The following ZNF793 variants were observed in gnomAD, a reference collection of about 807,000 sequenced individuals.
ZNF793 encodes the protein zinc finger protein 793.
A neutral mutation model predicts 12.4 loss-of-function variants in ZNF793; 5 were observed. That is an observed-to-expected ratio of 0.40 (90% CI 0.21 to 0.84). ZNF793 has a LOEUF of 0.84. ZNF793 is among the 40% of genes least tolerant of loss of function. The pLI is 0.35. For synonymous variants in ZNF793, 162 were observed against 172.4 expected (o/e 0.94, Z 0.47); for missense variants, 456 against 495.0 (o/e 0.92, Z 0.75).
chr19:37,535,418 T>C (rs1042883584), intron 7 of ZNF793: 3 of 152,224 alleles, frequency 2.0e-5, no homozygotes, highest in African/African-American at 7.2e-5. Context: ...TTTTGAAGGC[T>C]ATAGACCTCA....
chr19:37,532,302 C>T, intron 5 of ZNF793, 54 bp from the exon 6 acceptor site: 1 of 1,571,184 alleles, frequency 6.4e-7, no homozygotes, highest in Non-Finnish European at 8.6e-7. Context: ...CCATGCCTGG[C>T]CCTGCACAAA....
At chr19:37,526,032 A>T (rs1402381611) in intron 5 of ZNF793, among the ~76,000 whole-genome samples, 2 of 152,158 alleles carry the variant, frequency 1.3e-5, no homozygotes, top group East Asian at 3.9e-4. Flanking sequence ...TTCCCATCAC[A>T]GGAGATGGTG....
intron 3 of ZNF793, among the ~76,000 whole-genome samples, chr19:37,521,343 G>C (rs927437436): frequency 6.7e-6 from 1 of 149,342 alleles, no homozygotes; most frequent in South Asian, 2.1e-4. Flanking sequence ...GGCTGGTCTC[G>C]AACTTACGAC....
At chr19:37,515,172 T>C (rs1487183779) in intron 2 of ZNF793, among the ~76,000 whole-genome samples, 1 of 152,198 alleles carries the variant, frequency 6.6e-6, no homozygotes, top group Non-Finnish European at 1.5e-5. Context: ...AAGAAAAAAC[T>C]GTATTTGTAG....
Position 37,523,657 on chromosome 19 carries a change from T to C in ZNF793, c.15+203T>C, listed in dbSNP as rs2042391650. 1.3e-5 allele frequency among the ~76,000 whole-genome samples: 2 copies of C among 152,040 alleles called. 1 individual carries two copies. Among genetic ancestry groups the C allele is most frequent in the South Asian group, 4.1e-4 (2 of 4,832 alleles). On this transcript the variant is annotated intron_variant, in intron 5 of 7. Coordinates refer to ENST00000627814, the MANE Select transcript of ZNF793 (RefSeq NM_001013659.3). ...CTGTAAGACAGTGAGGGAAGCTGGA[T>C]TGGGCTGAGGGAATTGTTGAACAGA...
At position 37,537,731 on chromosome 19, in the gene ZNF793, G is replaced by A; in HGVS notation, c.1073G>A (p.Trp358Ter). ...CAGAAGTCATGCCTCAATAAACATT[G>A]GAGAACTCACACAGGAGAGAAGCCC... ...FSQKSCLNKH[W>*]RTHTGEKPYG... The change falls in exon 8 of 8, where the codon TGG becomes TAG. Residue 358 changes from tryptophan (W) to a stop codon, truncating the protein, a stop_gained. Transcript: ENST00000627814. LOFTEE classifies it low-confidence loss of function (END_TRUNC). The A allele has an allele frequency of 1.2e-6, 2 of 1,613,880 alleles. No homozygotes were observed. Among genetic ancestry groups the A allele is most frequent in the Non-Finnish European group, 1.7e-6 (2 of 1,179,954 alleles).
In ZNF793 at chr19:37,517,984, G is replaced by A. The variant is rs531532040; in HGVS notation, c.-275-2200G>A. Among the ~76,000 whole-genome samples the A allele has an allele frequency of 5.9e-5, 9 of 152,264 alleles. No homozygotes were observed. The South Asian group carries it at 1.7e-3, about 28-fold the overall frequency. ...AGTCCCTTCACTCAGAGAAAGCAAT[G>A]TTAATATTTTCATAGATTCGGACTT... On this transcript the variant is annotated intron_variant, in intron 2 of 7. Transcript: ENST00000627814.
intron 5 of ZNF793, among the ~76,000 whole-genome samples, chr19:37,524,049 C>G (rs573633208): frequency 6.6e-6 from 1 of 151,832 alleles, no homozygotes; most frequent in African/African-American, 2.4e-5. Flanking sequence ...ACTCGGGAGG[C>G]TGAGGCAGGA....
In ZNF793 at chr19:37,520,169, T is replaced by A. The variant is rs569589291; in HGVS notation, c.-275-15T>A. 6.6e-6 allele frequency: 1 copy of A among 152,636 alleles called. No individual in the cohort carries two copies. The highest frequency in any genetic ancestry group is 6.5e-5 in the Admixed American group (1 of 15,294). The allele number at this position is 152,636 out of a possible 1,614,324, so 9.5% of individuals were successfully genotyped here. A position where few individuals can be genotyped will look rare whatever the true frequency, so the allele number is the denominator to read the frequency against. On this transcript the variant is annotated splice_polypyrimidine_tract_variant and intron_variant, in intron 2 of 7. Transcript: ENST00000627814. ...GACGATTGGATGACTCACCATGGGA[T>A]CTGCTTATCTTCAGGTTCTCTGGGT...
intron 2 of ZNF793, among the ~76,000 whole-genome samples, chr19:37,511,646 G>T (rs2042295396): frequency 6.6e-6 from 1 of 152,194 alleles, no homozygotes; most frequent in Non-Finnish European, 1.5e-5. Flanking sequence ...ACTCTAGCCT[G>T]AGCAACAGAA....
rs1251078138 is a variant in ZNF793 at position 37,541,476 on chromosome 19, C to T, written c.*3597C>T. 6.6e-6 allele frequency: 1 copy of T among 152,012 alleles called. No homozygotes were observed. The highest frequency in any genetic ancestry group is 2.4e-5 in the African/African-American group (1 of 41,358). The allele number at this position is 152,012 out of a possible 1,614,324, so 9.4% of individuals were successfully genotyped here. A position where few individuals can be genotyped will look rare whatever the true frequency, so the allele number is the denominator to read the frequency against. The stretch of plus-strand genomic sequence containing the variant: ...GGAGGATCACCTGAGGTTAGGAGTT[C>T]AAGACTAGTCTGGTCAACATGGTGA... On this transcript the variant is annotated 3_prime_UTR_variant, in exon 8 of 8. Coordinates refer to ENST00000627814, the MANE Select transcript of ZNF793 (RefSeq NM_001013659.3).
intron 5 of ZNF793, among the ~76,000 whole-genome samples, chr19:37,529,862 G>A (rs1271415534): frequency 2.0e-5 from 3 of 152,236 alleles, no homozygotes; most frequent in East Asian, 3.9e-4. Flanking sequence ...TAGGTGGAAC[G>A]AGAGACTTAG....
chr19:37,507,824 A>G (rs527862424), intron 1 of ZNF793, among the ~76,000 whole-genome samples: 1 of 152,150 alleles, frequency 6.6e-6, no homozygotes, highest in South Asian at 2.1e-4. Flanking sequence ...GTAGTTACTG[A>G]CCTGTAGTCT....
upstream of ZNF793, chr19:37,506,662 G>A (rs1303429387): frequency 6.6e-6 from 1 of 152,248 alleles, no homozygotes; most frequent in Non-Finnish European, 1.5e-5. Flanking sequence ...TGGCATCTGA[G>A]ATGCTGAGTT....
upstream of ZNF793, chr19:37,506,744 C>G (rs1338426011): frequency 6.6e-6 from 1 of 152,230 alleles, no homozygotes; most frequent in Non-Finnish European, 1.5e-5. Context: ...ATAGCCTTAT[C>G]TTTTGGTCTA....
chr19:37,530,697 G>A (rs1333791506), intron 5 of ZNF793, among the ~76,000 whole-genome samples: 5 of 152,270 alleles, frequency 3.3e-5, no homozygotes, highest in African/African-American at 7.2e-5. Flanking sequence ...AGTACAGAAC[G>A]AAATGGAGTC....
At chr19:37,531,092 T>C (rs1336904515) in intron 5 of ZNF793, among the ~76,000 whole-genome samples, 1 of 152,220 alleles carries the variant, frequency 6.6e-6, no homozygotes, top group African/African-American at 2.4e-5. Flanking sequence ...TCATGCCTTC[T>C]AGAATATACT....
chr19:37,514,281 G>A (rs1323767849), intron 2 of ZNF793, among the ~76,000 whole-genome samples: 1 of 152,130 alleles, frequency 6.6e-6, no homozygotes, highest in Non-Finnish European at 1.5e-5. Flanking sequence ...CAACTATCAG[G>A]TTAGATAGGT....
chr19:37,536,412 A>G (rs1446096167), intron 7 of ZNF793: 6 of 399,474 alleles, frequency 1.5e-5, no homozygotes, highest in Admixed American at 8.8e-5. Context: ...GAAGACCCAC[A>G]TGCTGGATAG....
Sources: gnomAD v4.1 joint callset for allele counts (sites outside exome capture counted in the v4.1 genomes callset) on GRCh38, gnomAD v4.1.1 for gene constraint, MANE v1.5 for transcripts, NCBI Gene and HGNC (gene_info 2026-07-23, HGNC 2026-07-21) for gene names.